The following JAKMIP3 variants were observed in gnomAD, a reference collection of about 807,000 sequenced individuals.
JAKMIP3 encodes the protein janus kinase and microtubule-interacting protein 3.
JAKMIP3 carries 58 observed loss-of-function variants against 118.5 expected under a neutral mutation model. The observed-to-expected ratio is 0.49, with a 90% CI of 0.40 to 0.61. The LOEUF (loss-of-function observed/expected upper bound fraction) is 0.61, where lower values mean the gene tolerates loss of function less well. JAKMIP3 is among the 20% of genes least tolerant of loss of function. The probability of loss-of-function intolerance (pLI) is 0.00; values close to 1 mark genes in which losing one functional copy is unlikely to be tolerated. For synonymous variants in JAKMIP3, 486 were observed against 451.2 expected (o/e 1.08, Z -0.98); for missense variants, 950 against 1,109.0 (o/e 0.86, Z 2.04).
At chr10:132,138,405 C>A (rs2052386695) in intron 9 of JAKMIP3, among the ~76,000 whole-genome samples, 1 of 138,078 alleles carries the variant, frequency 7.2e-6, no homozygotes, top group South Asian at 2.3e-4. Flanking sequence ...CGGGTGTGTG[C>A]GGAGAGGGGT....
chr10:132,046,090 G>C (rs1170057269), intron 1 of JAKMIP3, among the ~76,000 whole-genome samples: 1 of 152,100 alleles, frequency 6.6e-6, no homozygotes, highest in Non-Finnish European at 1.5e-5. Flanking sequence ...AGCCTAGAAG[G>C]TTCCTGACAC....
chr10:132,139,470 ATGTGTGAGTG>A (rs1564949285), intron 9 of JAKMIP3, among the ~76,000 whole-genome samples: 4 of 118,212 alleles, frequency 3.4e-5, no homozygotes, highest in Admixed American at 1.9e-4. Flanking sequence ...GCATGTGTGT[ATGTGTGAGTG>A]TGTGTGAGAG....
intron 20 of JAKMIP3, among the ~76,000 whole-genome samples, 188 bp downstream of exon 20, chr10:132,163,600 G>A (rs924266698): frequency 1.3e-4 from 19 of 151,716 alleles, no homozygotes; most frequent in East Asian, 2.0e-4. Flanking sequence ...AAACCGTCAC[G>A]CCTTCCACAC....
intron 1 of JAKMIP3, among the ~76,000 whole-genome samples, chr10:132,042,184 C>CTTCCG (rs1554909339): frequency 3.0e-5 from 4 of 132,096 alleles, no homozygotes; most frequent in African/African-American, 1.2e-4. Context: ...TGCTCGCTCG[C>CTTCCG]TCCTTCCTTC....
upstream of JAKMIP3, among the ~76,000 whole-genome samples, chr10:132,061,233 G>A (rs1050912838): frequency 1.2e-4 from 4 of 32,150 alleles, no homozygotes; most frequent in African/African-American, 5.2e-4. Flanking sequence ...ACATACACCT[G>A]CCGTGACGGC....
rs1392017037 is a variant in JAKMIP3, at chr10:132,167,038, T to C, written c.*5T>C. 1 of 1,549,752 alleles carries C rather than the reference T, an allele frequency of 6.5e-7. No homozygotes were observed. Among genetic ancestry groups the C allele is most frequent in the Non-Finnish European group, 8.7e-7 (1 of 1,145,338 alleles). On this transcript the variant is annotated 3_prime_UTR_variant, in exon 22 of 24. Transcript: ENST00000684848. ...GCTTTCATTCTCTGGTCATAGTCCG[T>C]CTTGGCACCCTGACGTGGTGAGTAT...
chr10:132,179,929 C>T lies in JAKMIP3; in HGVS notation c.*1104-2428C>T, dbSNP rs932115137. Among the ~76,000 whole-genome samples, 7 of 152,156 alleles carry T rather than the reference C, an allele frequency of 4.6e-5. No homozygotes were observed. Among genetic ancestry groups the T allele is most frequent in the East Asian group, 3.9e-4 (2 of 5,184 alleles). ...TGCTCTTCCCCCTGTGAGGTGCACA[C>T]GGGGCACACACTCCCTCCAGCAGCA... is the stretch of plus-strand genomic sequence containing the variant. On this transcript the variant is annotated intron_variant, in intron 23 of 23. Transcript: ENST00000684848. This position sits in a 1 kb window ranked among gnomAD's most constrained non-coding sequence, Gnocchi z 4.3.
rs933877884 is a variant in JAKMIP3 at position 132,184,107 on chromosome 10, C to T, written c.*2854C>T. 6.6e-6 allele frequency: 1 copy of T among 152,232 alleles called. No individual in the cohort carries two copies. The highest frequency in any genetic ancestry group is 1.5e-5 in the Non-Finnish European group (1 of 68,044). The allele number at this position is 152,232 out of a possible 1,614,324, so 9.4% of individuals were successfully genotyped here. ...TAACATCATCACACTCTGTGTTCAA[C>T]ACACAGAACAACATAGATACTTTAG... is the stretch of plus-strand genomic sequence containing the variant. On this transcript the variant is annotated 3_prime_UTR_variant, in exon 24 of 24. Coordinates refer to ENST00000684848, the MANE Select transcript of JAKMIP3 (RefSeq NM_001323087.2).
intron 1 of JAKMIP3, among the ~76,000 whole-genome samples, chr10:132,069,624 C>T (rs1473992671): frequency 3.3e-5 from 5 of 152,226 alleles, no homozygotes; most frequent in East Asian, 1.9e-4. Flanking sequence ...TTGTGTCCAG[C>T]GGCCATGTCC....
At chr10:132,053,746 C>T (rs1249997292) in intron 1 of JAKMIP3, among the ~76,000 whole-genome samples, 3 of 152,154 alleles carry the variant, frequency 2.0e-5, no homozygotes, top group African/African-American at 7.2e-5. Flanking sequence ...GAACAAAATG[C>T]TGGCCACTGC....
intron 1 of JAKMIP3, among the ~76,000 whole-genome samples, chr10:132,104,265 C>A (rs1194928932): frequency 2.6e-5 from 4 of 152,178 alleles, no homozygotes; most frequent in African/African-American, 9.7e-5. Flanking sequence ...TGTGGAGGAG[C>A]CCGGTCACGG....
chr10:132,139,130 G>A lies in JAKMIP3; in HGVS notation c.1344+952G>A, dbSNP rs180901087. Among the ~76,000 whole-genome samples, 18 of 151,922 alleles carry A rather than the reference G, an allele frequency of 1.2e-4. 1 individual carries two copies. Among genetic ancestry groups the A allele is most frequent in the Admixed American group, 8.5e-4 (13 of 15,260 alleles). Reference sequence around the variant, plus strand: ...CATGTGTGTGTATGCATCTGTGTGTGTGTGCATGTGTATGTGAGTATGAGT... The same window carrying A: ...CATGTGTGTGTATGCATCTGTGTGTATGTGCATGTGTATGTGAGTATGAGT... On this transcript the variant is annotated intron_variant, in intron 9 of 23. Transcript: ENST00000684848.
In JAKMIP3 at chr10:132,168,554, C is replaced by T. The variant is rs568773369; in HGVS notation, c.*624C>T. 13 of 407,982 alleles carry T rather than the reference C, an allele frequency of 3.2e-5. No homozygotes were observed. In the East Asian group the frequency reaches 8.0e-4, roughly 25 times the overall value. The allele number at this position is 407,982 out of a possible 1,614,324, so 25.3% of individuals were successfully genotyped here. A position where few individuals can be genotyped will look rare whatever the true frequency, so the allele number is the denominator to read the frequency against. On this transcript the variant is annotated 3_prime_UTR_variant, in exon 23 of 24. Transcript: ENST00000684848. ...CTGGCCAACAGACCCCACATCCACCCTCGTTCATCATCATCTCTGTGGGGA... is the reference window on the plus strand; with the variant it reads ...CTGGCCAACAGACCCCACATCCACCTTCGTTCATCATCATCTCTGTGGGGA...
At chr10:132,076,960 G>A (rs1214830485) in intron 1 of JAKMIP3, among the ~76,000 whole-genome samples, 1 of 151,838 alleles carries the variant, frequency 6.6e-6, no homozygotes, top group East Asian at 2.0e-4. Flanking sequence ...GGTGGCCCCG[G>A]GTCTGACTGA....
chr10:132,104,678 GAGA>G lies in JAKMIP3; in HGVS notation c.-127_-125del, dbSNP rs1225736156. On this transcript the variant is annotated 5_prime_UTR_variant, in exon 2 of 24. The change creates a new upstream start codon in the 5' untranslated region. Coordinates refer to ENST00000684848, the MANE Select transcript of JAKMIP3 (RefSeq NM_001323087.2). Reference sequence around the variant, plus strand: ...GGTGTGCTTTCCCCTCCAGGTGAATGAGAAGATGTAGTGTGACAGCAGCCCGGG... The same window carrying G: ...GGTGTGCTTTCCCCTCCAGGTGAATGAGATGTAGTGTGACAGCAGCCCGGG... The G allele has an allele frequency of 3.7e-5, 33 of 892,038 alleles. No homozygotes were observed. The highest frequency in any genetic ancestry group is 5.7e-5 in the Non-Finnish European group (33 of 582,988). 55.3% of individuals were successfully genotyped at this position (892,038 alleles called of 1,614,324 possible). A position where few individuals can be genotyped will look rare whatever the true frequency, so the allele number is the denominator to read the frequency against.
intron 2 of JAKMIP3, among the ~76,000 whole-genome samples, chr10:132,114,126 A>G (rs973044692): frequency 2.6e-5 from 4 of 152,318 alleles, no homozygotes; most frequent in African/African-American, 9.6e-5. Context: ...CGTGGTACCC[A>G]CTGAGTCCAG....
chr10:132,078,903 G>A lies in JAKMIP3; in HGVS notation c.-138+12842G>A, dbSNP rs997056303. Among the ~76,000 whole-genome samples, 2 of 152,234 alleles carry A rather than the reference G, an allele frequency of 1.3e-5. 1 individual carries two copies. The highest frequency in any genetic ancestry group is 4.8e-5 in the African/African-American group (2 of 41,446). On this transcript the variant is annotated intron_variant, in intron 1 of 23. Coordinates refer to ENST00000684848, the MANE Select transcript of JAKMIP3 (RefSeq NM_001323087.2). ...GGCCGGATGATTGGCCGTGGCCGCC[G>A]TGCGCCCTGAGCTGCCCGTCACGAG...
At chr10:132,110,168 G>A (rs942917583) in intron 2 of JAKMIP3, among the ~76,000 whole-genome samples, 7 of 152,170 alleles carry the variant, frequency 4.6e-5, no homozygotes, top group Non-Finnish European at 7.4e-5. Flanking sequence ...CTGCCCCACC[G>A]GCCTCCTGTA....
At chr10:132,150,312 C>T (rs1432308134) in intron 16 of JAKMIP3, among the ~76,000 whole-genome samples, 6 of 152,166 alleles carry the variant, frequency 3.9e-5, no homozygotes, top group African/African-American at 4.8e-5. Context: ...TCAGCCCTTC[C>T]ATACTTGCCA....
Sources: gnomAD v4.1 joint callset for allele counts (sites outside exome capture counted in the v4.1 genomes callset) on GRCh38, gnomAD v4.1.1 for gene constraint, Gnocchi (gnomAD v3.1) non-coding constraint, MANE v1.5 for transcripts, NCBI Gene and HGNC (gene_info 2026-07-23, HGNC 2026-07-21) for gene names.